Variants in VRTN observed in about 807,000 individuals in gnomAD.
VRTN encodes the protein vertnin.
A neutral mutation model predicts 18.2 loss-of-function variants in VRTN; 5 were observed. The observed-to-expected ratio is 0.27, with a 90% CI of 0.14 to 0.58. The LOEUF (loss-of-function observed/expected upper bound fraction) is 0.58. Ranked by LOEUF, VRTN falls within the 20% of genes least tolerant of loss-of-function variation. The pLI is 0.91. For synonymous variants in VRTN, 381 were observed against 393.7 expected, an observed-to-expected ratio of 0.97 and a Z score of 0.38; for missense variants, 741 against 939.4, an observed-to-expected ratio of 0.79 and a Z score of 2.76.
Position 74,357,867 on chromosome 14 carries a change from G to T in VRTN, c.1084G>T (p.Ala362Ser), listed in dbSNP as rs1567047106. 1.2e-6 allele frequency: 2 copies of T among 1,613,870 alleles called. No homozygotes were observed. The highest frequency in any genetic ancestry group is 1.7e-6 in the Non-Finnish European group (2 of 1,180,026). Residue 362 changes from alanine (A) to serine (S), a missense_variant, in exon 2 of 2, where the codon GCC becomes TCC. By Grantham distance (99) the Ala-to-Ser change is moderately conservative (BLOSUM62 1). Transcript: ENST00000256362. This position sits in a 1 kb window ranked among gnomAD's most constrained non-coding sequence, Gnocchi z 7.8. ...HELLGSGTCPALPPREVLGME... is the reference protein window; with the variant it reads ...HELLGSGTCPSLPPREVLGME... ...GCTGCTGGGCTCTGGCACCTGCCCG[G>T]CCTTGCCCCCCAGGGAGGTGCTGGG...
intron 1 of VRTN, among the ~76,000 whole-genome samples, chr14:74,331,544 T>TTTATA (rs1287566275): frequency 3.9e-4 from 17 of 43,484 alleles, no homozygotes; most frequent in African/African-American, 1.1e-3. Context: ...AAAAAAAATT[T>TTTATA]TATATATATA....
intron 1 of VRTN, among the ~76,000 whole-genome samples, chr14:74,335,243 T>C (rs1487172561): frequency 6.6e-6 from 1 of 152,198 alleles, no homozygotes; most frequent in African/African-American, 2.4e-5. Context: ...ATCATGCCAC[T>C]GCACTCCAGC....
intron 2 of VRTN, among the ~76,000 whole-genome samples, chr14:74,339,098 A>G (rs1173021561): frequency 6.6e-6 from 1 of 150,998 alleles, no homozygotes; most frequent in Non-Finnish European, 1.5e-5. Context: ...CCCTGGCCTC[A>G]AGTGATCCTC....
At chr14:74,338,067 C>CT (rs1368659725) in intron 2 of VRTN, among the ~76,000 whole-genome samples, 3 of 152,054 alleles carry the variant, frequency 2.0e-5, no homozygotes, top group East Asian at 3.9e-4. Context: ...CATATATATT[C>CT]TTTTTTCTGA....
Position 74,358,214 on chromosome 14 carries a change from T to A in VRTN, c.1431T>A (p.Ser477Arg), listed in dbSNP as rs1401500195. The change falls in exon 2 of 2, where the codon AGT (serine) becomes AGA (arginine). Residue 477 changes from serine to arginine, a missense_variant. Coordinates refer to ENST00000256362, the MANE Select transcript of VRTN (RefSeq NM_018228.3). This position sits in a 1 kb window ranked among gnomAD's most constrained non-coding sequence, Gnocchi z 5.4. ...AAGGGGCTGTAATTCCTTGGAAGAG[T>A]GAGGCGGAAGAGGGGGCAGGGAATG... Reference protein sequence around the residue: ...VGEGAVIPWKSEAEEGAGNAT... With the variant: ...VGEGAVIPWKREAEEGAGNAT... 26 of 1,612,620 alleles carry A rather than the reference T, an allele frequency of 1.6e-5. No individual in the cohort carries two copies. Among genetic ancestry groups the A allele is most frequent in the Non-Finnish European group, 2.2e-5 (26 of 1,179,406 alleles).
chr14:74,303,049 C>G (rs975952164), upstream of VRTN: 41 of 901,854 alleles, frequency 4.5e-5, no homozygotes, highest in Non-Finnish European at 1.6e-5. Context: ...CGGACTCTCC[C>G]GGAAGCGACC....
At position 74,356,756 on chromosome 14, in the gene VRTN, C is replaced by T. The variant is rs373143159; in HGVS notation, c.-1-27C>T. On this transcript the variant is annotated intron_variant, in intron 1 of 1. Transcript: ENST00000256362. ...TCATCTGGGCACTTCGACCTGACTA[C>T]TGCCCCTTTATCTTTTGCCCTGGCA... 6.4e-6 allele frequency: 10 copies of T among 1,555,088 alleles called. No homozygotes were observed. In the African/African-American group the frequency reaches 1.2e-4, roughly 19 times the overall value.
chr14:74,347,624 C>T (rs2085652100), upstream of VRTN, among the ~76,000 whole-genome samples: 1 of 152,210 alleles, frequency 6.6e-6, no homozygotes, highest in Non-Finnish European at 1.5e-5. Context: ...GCTGGAAAGC[C>T]CCTTGGGGGG....
At chr14:74,341,849 C>T (rs2085607250) in intron 2 of VRTN, among the ~76,000 whole-genome samples, 1 of 152,124 alleles carries the variant, frequency 6.6e-6, no homozygotes, top group Non-Finnish European at 1.5e-5. Context: ...AGGATTACCC[C>T]CAACTCCTCT....
chr14:74,303,896 G>A (rs1453747819), intron 1 of VRTN, among the ~76,000 whole-genome samples: 1 of 136,180 alleles, frequency 7.3e-6, no homozygotes, highest in Non-Finnish European at 1.5e-5. Flanking sequence ...TTGTTGCCCC[G>A]GCTAGAGTGC....
chr14:74,357,298 A>G lies in VRTN; in HGVS notation c.515A>G (p.Asn172Ser). ...TCCTGTTTCCCCAGCAGCTTCTCCA[A>G]CGTGTGGCACTTGTATGCTCTCGCC... is the stretch of plus-strand genomic sequence containing the variant. ...KASCFPSSFSNVWHLYALASV... is the reference protein window; with the variant it reads ...KASCFPSSFSSVWHLYALASV... The change falls in exon 2 of 2, where the codon AAC becomes AGC. Residue 172 changes from asparagine to serine, a missense_variant. Coordinates refer to ENST00000256362, the MANE Select transcript of VRTN (RefSeq NM_018228.3). The surrounding 1 kb of genome is among the most constrained non-coding windows in gnomAD (Gnocchi z 7.8). 6.2e-7 allele frequency: 1 copy of G among 1,612,592 alleles called. No homozygotes were observed. Among genetic ancestry groups the G allele is most frequent in the South Asian group, 1.1e-5 (1 of 91,052 alleles).
chr14:74,344,750 A>AAAAAAAAAAAAGT (rs1410658975), upstream of VRTN, among the ~76,000 whole-genome samples: 3 of 128,094 alleles, frequency 2.3e-5, no homozygotes, highest in African/African-American at 6.1e-5. Flanking sequence ...AAAAAAAATG[A>AAAAAAAAAAAAGT]AAAAAAGAAA....
At chr14:74,327,941 G>A (rs1013183254) in intron 1 of VRTN, among the ~76,000 whole-genome samples, 1 of 151,966 alleles carries the variant, frequency 6.6e-6, no homozygotes, top group South Asian at 2.1e-4. Context: ...GGCTGGTCGC[G>A]AACCCCTGAG....
chr14:74,304,371 G>A (rs539014661), intron 1 of VRTN, among the ~76,000 whole-genome samples: 2 of 152,234 alleles, frequency 1.3e-5, no homozygotes, highest in Admixed American at 6.5e-5. Context: ...GGTCAGGCTG[G>A]TCTCGAACTC....
At chr14:74,324,252 G>A (rs2085473541) in intron 1 of VRTN, among the ~76,000 whole-genome samples, 1 of 151,854 alleles carries the variant, frequency 6.6e-6, no homozygotes, top group Admixed American at 6.6e-5. Flanking sequence ...GCTGAGCGTG[G>A]TGGCGGGCGC....
rs1187425140 is a variant in VRTN at position 74,320,851 on chromosome 14, G to T, written c.-163-16872G>T. Among the ~76,000 whole-genome samples the T allele has an allele frequency of 2.1e-5, 3 of 144,512 alleles. No homozygotes were observed. The Admixed American group carries it at 2.1e-4, about 10-fold the overall frequency. The allele number at this position is 144,512 out of a possible 152,430, so 94.8% of individuals were successfully genotyped here. A position where few individuals can be genotyped will look rare whatever the true frequency, so the allele number is the denominator to read the frequency against. On this transcript the variant is annotated intron_variant, in intron 1 of 2. Transcript: ENST00000557177. ...TCCACCTGCCTTGGCCTCCCAAAGT[G>T]CTGGGATTACAAGCGTGAGCCATTG...
At chr14:74,310,478 C>CA (rs1224071207) in intron 1 of VRTN, among the ~76,000 whole-genome samples, 1 of 148,396 alleles carries the variant, frequency 6.7e-6, no homozygotes, top group Non-Finnish European at 1.5e-5. Flanking sequence ...TGCATGGGTT[C>CA]AAATCCCCAC....
chr14:74,320,978 G>A (rs1389500754), intron 1 of VRTN, among the ~76,000 whole-genome samples: 1 of 151,256 alleles, frequency 6.6e-6, no homozygotes, highest in African/African-American at 2.4e-5. Flanking sequence ...TTCCTGAAAG[G>A]CTGTGGATAA....
At chr14:74,348,340 G>A (rs1161254962), upstream of VRTN, 1 of 152,216 alleles carries the variant, frequency 6.6e-6, no homozygotes, top group Non-Finnish European at 1.5e-5. Flanking sequence ...GGGGAGAGTG[G>A]ATGACAATAG....
Sources: allele counts gnomAD v4.1 joint callset (sites outside exome capture counted in the v4.1 genomes callset), GRCh38; gene constraint gnomAD v4.1.1; non-coding constraint Gnocchi (gnomAD v3.1); transcripts MANE v1.5; gene names NCBI Gene and HGNC (gene_info 2026-07-23, HGNC 2026-07-21).